NAALADL2: variants seen among roughly 807,000 people sequenced by gnomAD.
The protein encoded by NAALADL2 is N-acetylated alpha-linked acidic dipeptidase like 2.
A neutral mutation model predicts 87.2 loss-of-function variants in NAALADL2; 76 were observed. That is an observed-to-expected ratio of 0.87 (90% CI 0.72 to 1.05). The LOEUF (loss-of-function observed/expected upper bound fraction) is 1.05, where lower values mean the gene tolerates loss of function less well. Among genes scored for constraint, NAALADL2 ranks in the 50% least tolerant of loss-of-function variants. The pLI is 0.00. For missense variants in NAALADL2, 1,089 were observed against 945.8 expected (o/e 1.15, Z -1.99); for synonymous variants, 354 against 331.0 (o/e 1.07, Z -0.75).
chr3:175,768,031 C>T (rs1339146315), intron 13 of NAALADL2, among the ~76,000 whole-genome samples: 2 of 152,138 alleles, frequency 1.3e-5, no homozygotes, highest in African/African-American at 4.8e-5. Context: ...GCCATTGTCC[C>T]TGGATCTTAA....
At chr3:175,333,023 T>A (rs1317420691) in intron 5 of NAALADL2, among the ~76,000 whole-genome samples, 1 of 152,180 alleles carries the variant, frequency 6.6e-6, no homozygotes, top group African/African-American at 2.4e-5. Flanking sequence ...TACATGTCAA[T>A]TCTTGGGTTT....
intron 2 of NAALADL2, among the ~76,000 whole-genome samples, chr3:175,126,567 C>T (rs977049802): frequency 6.6e-6 from 1 of 152,050 alleles, no homozygotes; most frequent in Non-Finnish European, 1.5e-5. Context: ...ACACATGTAA[C>T]TTATTTTCTG....
chr3:175,753,331 C>T (rs1050569693), intron 12 of NAALADL2, among the ~76,000 whole-genome samples: 6 of 152,112 alleles, frequency 3.9e-5, no homozygotes, highest in African/African-American at 1.4e-4. Flanking sequence ...ACCTATGAAT[C>T]TCTTTGTAGC....
intron 1 of NAALADL2, among the ~76,000 whole-genome samples, chr3:175,044,270 C>T (rs9863629): frequency 0.84 from 127,613 of 152,102 alleles, 54,104 homozygotes; most frequent in African/African-American, 0.96. Context: ...AAGGGATTTT[C>T]CTATTTTTGG....
chr3:175,309,051 T>G (rs1419630808), intron 4 of NAALADL2, among the ~76,000 whole-genome samples: 1 of 152,160 alleles, frequency 6.6e-6, no homozygotes, highest in African/African-American at 2.4e-5. Flanking sequence ...TACAATTAAA[T>G]ACATTAATTT....
At chr3:175,330,715 A>C (rs1159345286) in intron 5 of NAALADL2, among the ~76,000 whole-genome samples, 5 of 152,176 alleles carry the variant, frequency 3.3e-5, no homozygotes, top group Non-Finnish European at 5.9e-5. Context: ...CAAAGATTTC[A>C]AGTAAGAAAT....
At chr3:174,441,832 A>C (rs201647395) in intron 1 of NAALADL2, among the ~76,000 whole-genome samples, 1 of 149,786 alleles carries the variant, frequency 6.7e-6, no homozygotes, top group African/African-American at 2.5e-5. Context: ...TAGCCTTTAC[A>C]TTTCAACCTA....
chr3:174,772,058 A>G (rs565349859), intron 3 of NAALADL2, among the ~76,000 whole-genome samples: 87 of 152,210 alleles, frequency 5.7e-4, no homozygotes, highest in Non-Finnish European at 1.1e-3. Context: ...GGGACATTTT[A>G]GTTTTGATGA....
chr3:175,494,011 A>C (rs375943715), intron 9 of NAALADL2, among the ~76,000 whole-genome samples: 6 of 152,150 alleles, frequency 3.9e-5, no homozygotes, highest in African/African-American at 1.4e-4. Context: ...ATGTTGTCTC[A>C]TGTTAAAAAT....
At chr3:174,857,985 G>A (rs1350315836), upstream of NAALADL2, among the ~76,000 whole-genome samples, 1 of 151,358 alleles carries the variant, frequency 6.6e-6, no homozygotes, top group Non-Finnish European at 1.5e-5. Context: ...TAGTAAGCTA[G>A]CACACATAAT....
At chr3:175,673,903 T>C (rs1055644552) in intron 11 of NAALADL2, among the ~76,000 whole-genome samples, 5 of 152,054 alleles carry the variant, frequency 3.3e-5, no homozygotes, top group Non-Finnish European at 5.9e-5. Context: ...GATAAATATA[T>C]AGACATTTTA....
intron 1 of NAALADL2, among the ~76,000 whole-genome samples, chr3:174,878,251 G>C (rs959802919): frequency 4.6e-5 from 7 of 152,074 alleles, no homozygotes; most frequent in Non-Finnish European, 7.4e-5. Context: ...TGTGTAGTAA[G>C]TTATTGATTG....
chr3:175,692,298 T>C (rs1889262), intron 11 of NAALADL2, among the ~76,000 whole-genome samples: 7,446 of 152,192 alleles, frequency 0.049, 235 homozygotes, highest in South Asian at 0.13. Context: ...TTGAGAATGA[T>C]ATAGAGCTTG....
intron 1 of NAALADL2, among the ~76,000 whole-genome samples, chr3:174,919,738 G>T (rs1579524453): frequency 6.6e-6 from 1 of 152,270 alleles, no homozygotes; most frequent in Middle Eastern, 3.4e-3. Flanking sequence ...ATTTCCAAAA[G>T]GTTTTCAATT....
chr3:174,613,754 G>A (rs2108647740), intron 2 of NAALADL2, among the ~76,000 whole-genome samples: 1 of 152,296 alleles, frequency 6.6e-6, no homozygotes, highest in East Asian at 1.9e-4. Flanking sequence ...GGGCCCAAGA[G>A]TCCATTTGGT....
At chr3:175,772,839 G>A (rs763447105) in intron 13 of NAALADL2, among the ~76,000 whole-genome samples, 1 of 152,074 alleles carries the variant, frequency 6.6e-6, no homozygotes, top group African/African-American at 2.4e-5. Flanking sequence ...TGACATTTTA[G>A]TGTTACTTCT....
At chr3:175,562,774 T>C (rs1250915091) in intron 9 of NAALADL2, among the ~76,000 whole-genome samples, 1 of 107,492 alleles carries the variant, frequency 9.3e-6, no homozygotes, top group African/African-American at 2.6e-5. Context: ...CATCTTTTAC[T>C]CAGCCTAAAC....
chr3:174,674,282 C>A (rs1283558816), intron 2 of NAALADL2, among the ~76,000 whole-genome samples: 1 of 152,006 alleles, frequency 6.6e-6, no homozygotes, highest in Non-Finnish European at 1.5e-5. Context: ...GCCCATGATC[C>A]AAACACCTCC....
intron 3 of NAALADL2, among the ~76,000 whole-genome samples, chr3:174,798,826 ATTCCT>A (rs1718454682): frequency 6.6e-6 from 1 of 151,980 alleles, no homozygotes; most frequent in Non-Finnish European, 1.5e-5. Flanking sequence ...TCTTTAGTGG[ATTCCT>A]ATGGATTTTT....
Sources: allele counts gnomAD v4.1 joint callset (sites outside exome capture counted in the v4.1 genomes callset), GRCh38; gene constraint gnomAD v4.1.1; transcripts MANE v1.5; gene names NCBI Gene and HGNC (gene_info 2026-07-23, HGNC 2026-07-21).